Variants in CEP112 observed in about 807,000 individuals in gnomAD.
CEP112 encodes centrosomal protein 112.
CEP112 carries 127 observed loss-of-function variants against 153.0 expected under a neutral mutation model. The ratio of observed to expected loss-of-function variants is 0.83; its 90% CI spans 0.72 to 0.96. CEP112 has a LOEUF of 0.96. Ranked by LOEUF, CEP112 falls within the 40% of genes least tolerant of loss-of-function variation. The pLI, the probability that CEP112 is intolerant of heterozygous loss-of-function variation, is 0.00. For missense variants in CEP112, 1,089 were observed against 1,101.2 expected, an observed-to-expected ratio of 0.99 and a Z score of 0.16; for synonymous variants, 358 against 374.4, an observed-to-expected ratio of 0.96 and a Z score of 0.51.
intron 16 of CEP112, among the ~76,000 whole-genome samples, chr17:66,015,308 T>C (rs1452054739): frequency 2.0e-5 from 3 of 152,262 alleles, no homozygotes; most frequent in African/African-American, 7.2e-5. Flanking sequence ...CCATTGTTTA[T>C]ATTGTGTACA....
At chr17:66,059,990 C>T (rs906220249) in intron 11 of CEP112, among the ~76,000 whole-genome samples, 6 of 151,884 alleles carry the variant, frequency 4.0e-5, no homozygotes, top group South Asian at 4.1e-4. Context: ...TCATGTCCTT[C>T]GCAGCAATGT....
intron 23 of CEP112, among the ~76,000 whole-genome samples, chr17:65,739,092 GAA>G (rs1168839077): frequency 6.6e-6 from 1 of 152,218 alleles, no homozygotes; most frequent in Admixed American, 6.5e-5. Flanking sequence ...GCTACTAGGT[GAA>G]AAGTCTGATT....
intron 18 of CEP112, among the ~76,000 whole-genome samples, chr17:65,954,381 T>A (rs917183783): frequency 2.0e-5 from 3 of 151,938 alleles, no homozygotes; most frequent in Admixed American, 1.3e-4. Context: ...CCCCAGATCT[T>A]CCCTCTGACA....
intron 2 of CEP112, among the ~76,000 whole-genome samples, chr17:66,179,464 T>A (rs1239570011): frequency 6.6e-6 from 1 of 152,164 alleles, no homozygotes; most frequent in Non-Finnish European, 1.5e-5. Flanking sequence ...GAAATGAGAT[T>A]ACTTTCTTGA....
intron 16 of CEP112, among the ~76,000 whole-genome samples, chr17:66,013,799 G>A (rs143385566): frequency 3.3e-5 from 5 of 151,992 alleles, no homozygotes; most frequent in South Asian, 2.1e-4. Context: ...CTCTGTATGC[G>A]CATTCACAGT....
chr17:65,737,464 G>A (rs2050869942), intron 23 of CEP112, among the ~76,000 whole-genome samples: 1 of 152,184 alleles, frequency 6.6e-6, no homozygotes, highest in East Asian at 1.9e-4. Flanking sequence ...GGAGACGGAT[G>A]TGGTAGAAAA....
intron 21 of CEP112, among the ~76,000 whole-genome samples, chr17:65,775,858 G>A (rs999130153): frequency 6.6e-6 from 1 of 152,152 alleles, no homozygotes; most frequent in Non-Finnish European, 1.5e-5. Flanking sequence ...CTTTTAAAAT[G>A]TTCCCATAAA....
chr17:65,997,747 T>C (rs1028723135), intron 17 of CEP112, among the ~76,000 whole-genome samples: 2 of 150,816 alleles, frequency 1.3e-5, no homozygotes, highest in Non-Finnish European at 2.9e-5. Flanking sequence ...ATAAATATAA[T>C]GTCTAGATCC....
At chr17:65,935,796 AAAAG>A in intron 18 of CEP112, among the ~76,000 whole-genome samples, 1 of 152,086 alleles carries the variant, frequency 6.6e-6, no homozygotes, top group Non-Finnish European at 1.5e-5. Context: ...TTTTTTTAAA[AAAAG>A]AAAGACAAAC....
At chr17:65,657,552 C>T (rs1421227367) in intron 24 of CEP112, among the ~76,000 whole-genome samples, 1 of 152,110 alleles carries the variant, frequency 6.6e-6, no homozygotes, top group Admixed American at 6.5e-5. Flanking sequence ...TTGGGGAAAA[C>T]CTGGGGGAGG....
chr17:65,783,639 A>G (rs1247879481), intron 21 of CEP112, among the ~76,000 whole-genome samples: 1 of 152,252 alleles, frequency 6.6e-6, no homozygotes, highest in Non-Finnish European at 1.5e-5. Context: ...CATCTACATC[A>G]AGGCTGAATT....
intron 12 of CEP112, among the ~76,000 whole-genome samples, chr17:66,030,679 A>C (rs1265379432): frequency 1.3e-5 from 2 of 152,216 alleles, no homozygotes; most frequent in African/African-American, 4.8e-5. Flanking sequence ...ATATTTATTT[A>C]GAATTTTTCC....
In CEP112 at chr17:66,116,825, A is replaced by T. The variant is rs188100155; in HGVS notation, c.642+12921T>A. Among the ~76,000 whole-genome samples the T allele has an allele frequency of 9.5e-4, 143 of 151,096 alleles. 1 individual carries two copies. Among genetic ancestry groups the T allele is most frequent in the African/African-American group, 3.2e-3 (134 of 41,284 alleles). On this transcript the variant is annotated intron_variant, in intron 6 of 26. Transcript: ENST00000535342. ...CTTTTAGAAACTGCCATACCATTTT[A>T]AAAATTATATATGAAGCATGGTAAT... is the stretch of plus-strand genomic sequence containing the variant.
At chr17:65,744,404 G>T (rs7214757) in intron 22 of CEP112, among the ~76,000 whole-genome samples, 7 of 152,072 alleles carry the variant, frequency 4.6e-5, no homozygotes, top group African/African-American at 7.2e-5. Context: ...CAGGCCACCA[G>T]GCCTGGCTAA....
intron 8 of CEP112, among the ~76,000 whole-genome samples, chr17:66,088,739 G>C (rs550984900): frequency 6.6e-6 from 1 of 152,166 alleles, no homozygotes; most frequent in African/African-American, 2.4e-5. Flanking sequence ...CAGGGTCCAG[G>C]CTCATCCCAA....
At chr17:66,174,219 T>C (rs230562) in intron 4 of CEP112, among the ~76,000 whole-genome samples, 140,790 of 152,316 alleles carry the variant, frequency 0.92, 65,305 homozygotes, top group African/African-American at 0.98. Flanking sequence ...TGAGCCACCA[T>C]GCCCGGCCTG....
chr17:65,826,597 G>C (rs2056851255), intron 21 of CEP112: 2 of 1,229,650 alleles, frequency 1.6e-6, no homozygotes, highest in East Asian at 4.6e-5. Flanking sequence ...TGGTCTCCCA[G>C]GGGCAGAAAA....
intron 17 of CEP112, among the ~76,000 whole-genome samples, chr17:65,962,726 A>ATAGT (rs1357888396): frequency 9.4e-6 from 1 of 106,298 alleles, no homozygotes; most frequent in Non-Finnish European, 1.9e-5. Flanking sequence ...TGTTCTCATG[A>ATAGT]TAGTGAGTCT....
intron 21 of CEP112, among the ~76,000 whole-genome samples, chr17:65,756,027 G>A (rs1029655920): frequency 2.0e-5 from 3 of 152,130 alleles, no homozygotes; most frequent in Non-Finnish European, 2.9e-5. Flanking sequence ...AGAAAGCAGA[G>A]GTCTAAGTAT....
Sources: allele counts gnomAD v4.1 joint callset (sites outside exome capture counted in the v4.1 genomes callset), GRCh38; gene constraint gnomAD v4.1.1; transcripts MANE v1.5; gene names NCBI Gene and HGNC (gene_info 2026-07-23, HGNC 2026-07-21).